The following LMBR1 variants were observed in gnomAD, a reference collection of about 807,000 sequenced individuals.
LMBR1 encodes limb development membrane protein 1.
LMBR1 carries 52 observed loss-of-function variants against 73.9 expected under a neutral mutation model. That is an observed-to-expected ratio of 0.70 (90% CI 0.56 to 0.89). The LOEUF (loss-of-function observed/expected upper bound fraction) is 0.89. Among genes scored for constraint, LMBR1 ranks in the 40% least tolerant of loss-of-function variants. The pLI is 0.00. For missense variants in LMBR1, 539 were observed against 579.8 expected, an observed-to-expected ratio of 0.93 and a Z score of 0.72; for synonymous variants, 215 against 209.4, an observed-to-expected ratio of 1.03 and a Z score of -0.23.
At chr7:156,688,638 G>GCC (rs1293410298) in intron 15 of LMBR1, among the ~76,000 whole-genome samples, 1 of 152,040 alleles carries the variant, frequency 6.6e-6, no homozygotes, top group African/African-American at 2.4e-5. Flanking sequence ...TGGAGGAACT[G>GCC]CCCGTCCCCT....
At chr7:156,711,298 G>A (rs539527787) in intron 15 of LMBR1, among the ~76,000 whole-genome samples, 36 of 151,988 alleles carry the variant, frequency 2.4e-4, no homozygotes, top group African/African-American at 5.6e-4. Flanking sequence ...GCGACAGAGC[G>A]AGACTCTGTC....
At chr7:156,707,919 T>A (rs2132141620) in intron 15 of LMBR1, among the ~76,000 whole-genome samples, 1 of 152,118 alleles carries the variant, frequency 6.6e-6, no homozygotes, top group African/African-American at 2.4e-5. Flanking sequence ...CATGATATGA[T>A]CTTATCTCTA....
chr7:156,679,872 T>C lies in LMBR1; in HGVS notation c.*4206A>G, dbSNP rs991463540. The C allele has an allele frequency of 5.9e-5, 9 of 152,230 alleles. No homozygotes were observed. The highest frequency in any genetic ancestry group is 1.9e-4 in the African/African-American group (8 of 41,466). The allele number at this position is 152,230 out of a possible 1,614,324, so 9.4% of individuals were successfully genotyped here. A position where few individuals can be genotyped will look rare whatever the true frequency, so the allele number is the denominator to read the frequency against. ...ATGAGGTTTTGTGTGAAGTTCCTAT[T>C]TGATTATAGTTAACCTTGAAAAAAT... is the stretch of plus-strand genomic sequence containing the variant. On this transcript the variant is annotated 3_prime_UTR_variant, in exon 17 of 17. Transcript: ENST00000353442.
chr7:156,872,123 G>C (rs1799391444), intron 1 of LMBR1: 1 of 152,106 alleles, frequency 6.6e-6, no homozygotes, highest in Non-Finnish European at 1.5e-5. Flanking sequence ...TTTATCTGAG[G>C]TGTGATTACT....
At chr7:156,831,116 T>C (rs1836597298) in intron 3 of LMBR1, among the ~76,000 whole-genome samples, 1 of 151,980 alleles carries the variant, frequency 6.6e-6, no homozygotes, top group Non-Finnish European at 1.5e-5. Flanking sequence ...AGTTGAGACT[T>C]AGGGAAAAAC....
chr7:156,671,552 G>C (rs1317654972), intron 4 of LMBR1, among the ~76,000 whole-genome samples: 1 of 152,110 alleles, frequency 6.6e-6, no homozygotes, highest in African/African-American at 2.4e-5. Flanking sequence ...CCATGATGCA[G>C]ATGTCATCAT....
At chr7:156,873,843 G>C (rs1386010098) in intron 1 of LMBR1, among the ~76,000 whole-genome samples, 3 of 152,212 alleles carry the variant, frequency 2.0e-5, no homozygotes, top group Non-Finnish European at 4.4e-5. Flanking sequence ...CACAAACCTT[G>C]AGCTAAACAC....
intron 15 of LMBR1, among the ~76,000 whole-genome samples, chr7:156,720,531 G>A (rs1814314427): frequency 6.6e-6 from 1 of 151,828 alleles, no homozygotes; most frequent in South Asian, 2.1e-4. Flanking sequence ...TAGACATTTG[G>A]CACAAAACAT....
chr7:156,690,260 GACAAA>G (rs1179714319), intron 15 of LMBR1, among the ~76,000 whole-genome samples: 2 of 152,064 alleles, frequency 1.3e-5, no homozygotes, highest in Non-Finnish European at 2.9e-5. Flanking sequence ...GACATATACA[GACAAA>G]ACAAAGACTT....
chr7:156,692,540 C>T (rs191363760), intron 15 of LMBR1, among the ~76,000 whole-genome samples: 4 of 152,262 alleles, frequency 2.6e-5, no homozygotes, highest in Admixed American at 1.3e-4. Context: ...GTATATGAAA[C>T]AACAGTTTTC....
In LMBR1 at chr7:156,680,050, T is replaced by C. The variant is rs187902466; in HGVS notation, c.*4028A>G. ...TGAGTTTTAGGAACTTCTCCTGATA[T>C]TACATTTTCTACAGTGCAACAAGTA... is the stretch of plus-strand genomic sequence containing the variant. On this transcript the variant is annotated 3_prime_UTR_variant, in exon 17 of 17. Transcript: ENST00000353442. 4 of 152,278 alleles carry C rather than the reference T, an allele frequency of 2.6e-5. No individual in the cohort carries two copies. Among genetic ancestry groups the C allele is most frequent in the East Asian group, 1.9e-4 (1 of 5,186 alleles). 9.4% of individuals were successfully genotyped at this position (152,278 alleles called of 1,614,324 possible). A position where few individuals can be genotyped will look rare whatever the true frequency, so the allele number is the denominator to read the frequency against.
intron 5 of LMBR1, among the ~76,000 whole-genome samples, chr7:156,775,695 G>GT (rs1563332284): frequency 6.6e-6 from 1 of 151,994 alleles, no homozygotes; most frequent in Non-Finnish European, 1.5e-5. Flanking sequence ...ATGCTTTTCT[G>GT]TTTTTTTCTG....
In LMBR1 at chr7:156,876,272, A is replaced by T. The variant is rs568710472; in HGVS notation, c.66+16656T>A. On this transcript the variant is annotated intron_variant, in intron 1 of 16. Transcript: ENST00000353442. Reference sequence around the variant, plus strand: ...GCCTTGTCCAAAAGGAAAGTATCACAATCATAAATATATATGCACCTAACA... The same window carrying T: ...GCCTTGTCCAAAAGGAAAGTATCACTATCATAAATATATATGCACCTAACA... Among the ~76,000 whole-genome samples, 21 of 152,334 alleles carry T rather than the reference A, an allele frequency of 1.4e-4. No individual in the cohort carries two copies. The South Asian group carries it at 4.1e-3, about 30-fold the overall frequency.
intron 4 of LMBR1, among the ~76,000 whole-genome samples, chr7:156,809,442 TG>T (rs1191433715): frequency 1.2e-4 from 18 of 152,232 alleles, no homozygotes; most frequent in Admixed American, 2.0e-4. Context: ...TTATGTAAAA[TG>T]GCATGGTATT....
intron 1 of LMBR1, among the ~76,000 whole-genome samples, chr7:156,877,632 C>A (rs889727759): frequency 2.6e-5 from 4 of 152,112 alleles, no homozygotes; most frequent in Non-Finnish European, 4.4e-5. Context: ...GCCTGTAATC[C>A]CAGCACGTTG....
chr7:156,803,982 G>A (rs1413177325), intron 4 of LMBR1, among the ~76,000 whole-genome samples: 7 of 130,610 alleles, frequency 5.4e-5, no homozygotes, highest in East Asian at 5.5e-4. Flanking sequence ...ATCACACACC[G>A]GGGACTGTTG....
chr7:156,691,175 G>C (rs531863763), intron 15 of LMBR1, among the ~76,000 whole-genome samples: 1 of 152,224 alleles, frequency 6.6e-6, no homozygotes, highest in African/African-American at 2.4e-5. Context: ...ATCAAATGTT[G>C]TTAACTCCCT....
chr7:156,697,257 C>G (rs200366485), intron 15 of LMBR1, among the ~76,000 whole-genome samples: 1 of 151,594 alleles, frequency 6.6e-6, no homozygotes, highest in Non-Finnish European at 1.5e-5. Flanking sequence ...TAATAAGGAT[C>G]TAACAAAGAT....
intron 7 of LMBR1, among the ~76,000 whole-genome samples, chr7:156,762,582 C>A (rs1228180123): frequency 6.6e-6 from 1 of 152,202 alleles, no homozygotes; most frequent in African/African-American, 2.4e-5. Flanking sequence ...CTAAAGGTGA[C>A]AACCATAGTC....
Sources: gnomAD v4.1 joint callset for allele counts (sites outside exome capture counted in the v4.1 genomes callset) on GRCh38, gnomAD v4.1.1 for gene constraint, MANE v1.5 for transcripts, NCBI Gene and HGNC (gene_info 2026-07-23, HGNC 2026-07-21) for gene names.